Variants in COL4A2 observed in about 807,000 individuals in gnomAD.
The protein encoded by COL4A2 is collagen alpha-2(IV) chain.
Under a neutral mutation model 200.2 loss-of-function variants are expected in COL4A2, and 99 were observed. The observed-to-expected ratio is 0.49, with a 90% CI of 0.42 to 0.58. The LOEUF is 0.58. Among genes scored for constraint, COL4A2 ranks in the 20% least tolerant of loss-of-function variants. The pLI is 0.00. For missense variants in COL4A2, 1,950 were observed against 2,314.1 expected, an observed-to-expected ratio of 0.84 and a Z score of 3.23; for synonymous variants, 897 against 900.6, an observed-to-expected ratio of 1.00 and a Z score of 0.07.
At chr13:110,312,821 C>G (rs1885021716) in intron 3 of COL4A2, among the ~76,000 whole-genome samples, 1 of 152,214 alleles carries the variant, frequency 6.6e-6, no homozygotes, top group Non-Finnish European at 1.5e-5. Context: ...CAGCCTGTTG[C>G]TAACCGGGTT....
At chr13:110,478,769 C>A (rs886946340) in intron 30 of COL4A2, among the ~76,000 whole-genome samples, 1 of 151,866 alleles carries the variant, frequency 6.6e-6, no homozygotes, top group East Asian at 1.9e-4. Flanking sequence ...TACTTTCCCC[C>A]CTTTTTGTTT....
At chr13:110,436,483 G>T in intron 13 of COL4A2, 116 bp downstream of exon 13, 2 of 1,351,528 alleles carry the variant, frequency 1.5e-6, no homozygotes, top group South Asian at 1.6e-5. Context: ...CACCAACTTG[G>T]CACATTACCC....
At chr13:110,353,445 A>G (rs1455232751) in intron 3 of COL4A2, among the ~76,000 whole-genome samples, 1 of 152,192 alleles carries the variant, frequency 6.6e-6, no homozygotes, top group African/African-American at 2.4e-5. Flanking sequence ...TGCAGTCGGT[A>G]TGCCTCTGCT....
intron 20 of COL4A2, among the ~76,000 whole-genome samples, chr13:110,454,613 C>T (rs375491782): frequency 6.6e-6 from 1 of 152,072 alleles, no homozygotes; most frequent in Non-Finnish European, 1.5e-5. Context: ...GGGGTGCGGC[C>T]GCCTCTCCTC....
At chr13:110,321,637 G>A (rs1368093377) in intron 3 of COL4A2, among the ~76,000 whole-genome samples, 1 of 152,140 alleles carries the variant, frequency 6.6e-6, no homozygotes, top group East Asian at 1.9e-4. Context: ...ATTAGTCCAT[G>A]TTCATGCTAC....
chr13:110,324,529 T>C (rs1480928046), intron 3 of COL4A2, among the ~76,000 whole-genome samples: 1 of 152,214 alleles, frequency 6.6e-6, no homozygotes, highest in African/African-American at 2.4e-5. Flanking sequence ...GCCCCAGTCC[T>C]GGCTGGGGGT....
At chr13:110,437,241 G>A (rs576333742) in intron 13 of COL4A2, among the ~76,000 whole-genome samples, 5 of 152,302 alleles carry the variant, frequency 3.3e-5, no homozygotes, top group South Asian at 2.1e-4. Context: ...ATGAGTGACC[G>A]TTGACAAAAA....
intron 27 of COL4A2, among the ~76,000 whole-genome samples, chr13:110,467,891 G>A (rs574193454): frequency 4.6e-5 from 7 of 152,308 alleles, no homozygotes; most frequent in Admixed American, 6.5e-5. Context: ...TCTTCCACTC[G>A]GCCTGTGATG....
At chr13:110,331,227 A>T (rs1221130285) in intron 3 of COL4A2, among the ~76,000 whole-genome samples, 1 of 152,232 alleles carries the variant, frequency 6.6e-6, no homozygotes, top group Non-Finnish European at 1.5e-5. Context: ...AAAGTCATAT[A>T]TTACAGTTCC....
chr13:110,385,860 G>GCGTGTGGATAGGCGGTGGTTA (rs1566505457), intron 4 of COL4A2, among the ~76,000 whole-genome samples: 2 of 2,018 alleles, frequency 9.9e-4, no homozygotes, highest in African/African-American at 3.3e-3. Context: ...GGCCGTGGTT[G>GCGTGTGGATAGGCGGTGGTTA]CAGCGTGTGG....
intron 40 of COL4A2, among the ~76,000 whole-genome samples, chr13:110,495,696 G>GAGT (rs1883432884): frequency 6.6e-6 from 1 of 152,178 alleles, no homozygotes; most frequent in Non-Finnish European, 1.5e-5. Context: ...CCATCCCGTG[G>GAGT]AGTAACTGAT....
intron 3 of COL4A2, among the ~76,000 whole-genome samples, chr13:110,347,665 A>G (rs1202022695): frequency 1.3e-5 from 2 of 152,256 alleles, no homozygotes; most frequent in Admixed American, 1.3e-4. Flanking sequence ...ATGCCCTGGC[A>G]GTCAAATTCC....
chr13:110,411,057 A>G (rs1276034160), intron 4 of COL4A2, among the ~76,000 whole-genome samples: 1 of 152,066 alleles, frequency 6.6e-6, no homozygotes, highest in Non-Finnish European at 1.5e-5. Context: ...GGGTTACTGC[A>G]GGGACTTCTA....
At chr13:110,486,640 G>A (rs1883126742) in intron 34 of COL4A2, among the ~76,000 whole-genome samples, 1 of 152,202 alleles carries the variant, frequency 6.6e-6, no homozygotes, top group Non-Finnish European at 1.5e-5. Flanking sequence ...GGCTTTGTGT[G>A]AGCAATCAAG....
intron 40 of COL4A2, among the ~76,000 whole-genome samples, chr13:110,495,817 A>T (rs1204754475): frequency 6.6e-6 from 1 of 151,774 alleles, no homozygotes; most frequent in Non-Finnish European, 1.5e-5. Context: ...AATGCATTAA[A>T]CCTCCTAGCA....
chr13:110,502,187 T>C (rs1177313879), intron 41 of COL4A2, among the ~76,000 whole-genome samples: 2 of 152,210 alleles, frequency 1.3e-5, no homozygotes, highest in African/African-American at 4.8e-5. Flanking sequence ...TGTTTGTGCG[T>C]CAAGGTTCAC....
At chr13:110,424,046 C>T (rs148355866) in intron 4 of COL4A2, among the ~76,000 whole-genome samples, 2 of 152,214 alleles carry the variant, frequency 1.3e-5, no homozygotes, top group African/African-American at 4.8e-5. Flanking sequence ...TCTGTATGCC[C>T]AGAAGTGGAA....
At chr13:110,387,759 T>C (rs901030442) in intron 4 of COL4A2, among the ~76,000 whole-genome samples, 1 of 152,180 alleles carries the variant, frequency 6.6e-6, no homozygotes, top group Non-Finnish European at 1.5e-5. Flanking sequence ...GTTTCCTCTT[T>C]TAAGGCGATT....
At position 110,466,792 on chromosome 13, in the gene COL4A2, C is replaced by T. The variant is rs151127503; in HGVS notation, c.2039-248C>T. Reference sequence around the variant, plus strand: ...GGAGGGAATCAATTGTTTGCCAGCACAGTGCCAGTTTTTATTTGACTAGAC... The same window carrying T: ...GGAGGGAATCAATTGTTTGCCAGCATAGTGCCAGTTTTTATTTGACTAGAC... On this transcript the variant is annotated intron_variant, in intron 26 of 47. Transcript: ENST00000360467. 2.7e-3 allele frequency among the ~76,000 whole-genome samples: 408 copies of T among 152,334 alleles called. 4 individuals carry two copies. The highest frequency in any genetic ancestry group is 9.4e-3 in the African/African-American group (392 of 41,566).
Sources: allele counts gnomAD v4.1 joint callset (sites outside exome capture counted in the v4.1 genomes callset), GRCh38; gene constraint gnomAD v4.1.1; transcripts MANE v1.5; gene names NCBI Gene and HGNC (gene_info 2026-07-23, HGNC 2026-07-21).